PSD3: variants seen among roughly 807,000 people sequenced by gnomAD.
PSD3 encodes the protein pleckstrin and Sec7 domain containing 3, also known as PH and SEC7 domain-containing protein 3.
Under a neutral mutation model 105.5 loss-of-function variants are expected in PSD3, and 49 were observed. The ratio of observed to expected loss-of-function variants is 0.46; its 90% CI spans 0.37 to 0.59. PSD3 has a LOEUF of 0.59. Ranked by LOEUF, PSD3 falls within the 20% of genes least tolerant of loss-of-function variation. The pLI, the probability that PSD3 is intolerant of heterozygous loss-of-function variation, is 0.00. For missense variants in PSD3, 1,561 were observed against 1,263.8 expected (o/e 1.24, Z -3.57); for synonymous variants, 557 against 457.8 (o/e 1.22, Z -2.77).
Position 18,612,175 on chromosome 8 carries a change from A to G in PSD3, c.2411-11741T>C, listed in dbSNP as rs1239349137. 2.0e-5 allele frequency among the ~76,000 whole-genome samples: 3 copies of G among 152,320 alleles called. No individual in the cohort carries two copies. In the East Asian group the frequency reaches 5.8e-4, roughly 29 times the overall value. On this transcript the variant is annotated intron_variant, in intron 11 of 15. Transcript: ENST00000327040. ...ACTAAATTTCTTTGTTTCTGCCCATATATAAGCAAGACCTTAAGTTTTTAC... is the reference window on the plus strand; with the variant it reads ...ACTAAATTTCTTTGTTTCTGCCCATGTATAAGCAAGACCTTAAGTTTTTAC...
chr8:18,730,833 C>A (rs1239768279), intron 9 of PSD3, among the ~76,000 whole-genome samples: 1 of 151,830 alleles, frequency 6.6e-6, no homozygotes, highest in African/African-American at 2.4e-5. Context: ...GATGTGTGTA[C>A]TTAAAATATA....
intron 11 of PSD3, among the ~76,000 whole-genome samples, chr8:18,631,588 T>C (rs1277696136): frequency 1.3e-5 from 2 of 151,922 alleles, no homozygotes; most frequent in Non-Finnish European, 2.9e-5. Context: ...GTGTGCCCTT[T>C]TGCTAAGATG....
intron 9 of PSD3, among the ~76,000 whole-genome samples, chr8:18,694,593 G>T (rs1431074990): frequency 7.1e-6 from 1 of 141,634 alleles, no homozygotes; most frequent in Non-Finnish European, 1.5e-5. Context: ...CTGGGCAACA[G>T]AGTGAGACTG....
intron 9 of PSD3, among the ~76,000 whole-genome samples, chr8:18,762,563 A>T (rs1444910464): frequency 6.6e-6 from 1 of 152,212 alleles, no homozygotes; most frequent in Non-Finnish European, 1.5e-5. Context: ...GTCTTCTGAT[A>T]TCCAACTTAT....
chr8:18,596,083 G>T (rs1317185764), intron 12 of PSD3, among the ~76,000 whole-genome samples: 1 of 151,784 alleles, frequency 6.6e-6, no homozygotes, highest in East Asian at 1.9e-4. Flanking sequence ...AAGGGAAGTA[G>T]AAATTAAAAG....
At position 18,936,083 on chromosome 8, in the gene PSD3, G is replaced by C; in HGVS notation, c.81C>G (p.Ala27=). The change falls in exon 2 of 16, where the codon GCC becomes GCG. Residue 27 remains alanine, a synonymous_variant. Transcript: ENST00000327040. ...ASAHSQSVAK[A]KYEFLFGRSE... is the part of the protein sequence containing the mutation. ...ATCTGCCAAATAAAAATTCATATTT[G>C]GCCTTGGCAACACTCTGGGAATGTG... 1 of 1,613,220 alleles carries C rather than the reference G, an allele frequency of 6.2e-7. No homozygotes were observed.
At chr8:18,660,434 T>G (rs1199972086) in intron 9 of PSD3, among the ~76,000 whole-genome samples, 2 of 152,174 alleles carry the variant, frequency 1.3e-5, no homozygotes, top group African/African-American at 4.8e-5. Context: ...GTAATTTGTT[T>G]CAGCAGCCCG....
At chr8:18,900,320 A>G (rs930829849) in intron 2 of PSD3, among the ~76,000 whole-genome samples, 1 of 152,118 alleles carries the variant, frequency 6.6e-6, no homozygotes, top group Non-Finnish European at 1.5e-5. Flanking sequence ...TAACAGCTAC[A>G]TTTTCAATAT....
chr8:19,075,081 G>A (rs1444370365), intron 1 of PSD3, among the ~76,000 whole-genome samples: 1 of 151,890 alleles, frequency 6.6e-6, no homozygotes, highest in Non-Finnish European at 1.5e-5. Flanking sequence ...AAGTAGTTGG[G>A]ATTACAGGCA....
At chr8:18,616,065 T>C (rs971981571) in intron 11 of PSD3, among the ~76,000 whole-genome samples, 8 of 152,174 alleles carry the variant, frequency 5.3e-5, no homozygotes, top group Non-Finnish European at 1.0e-4. Context: ...GCTCCAAAAG[T>C]GACTTCAAGC....
chr8:18,653,347 AAG>A (rs1416689835), intron 10 of PSD3, among the ~76,000 whole-genome samples: 1 of 150,666 alleles, frequency 6.6e-6, no homozygotes, highest in Non-Finnish European at 1.5e-5. Context: ...GCATATGAAC[AAG>A]AGAGAAAAAG....
Position 19,020,227 on chromosome 8 carries a change from A to G in PSD3, c.324+63979T>C, listed in dbSNP as rs78222964. Reference sequence around the variant, plus strand: ...GATAAGTAAATATATGTGATGTTATATGATGCTGAGTGTCTTGGAGAAAAA... The same window carrying G: ...GATAAGTAAATATATGTGATGTTATGTGATGCTGAGTGTCTTGGAGAAAAA... On this transcript the variant is annotated intron_variant, in intron 1 of 1. Coordinates refer to the PSD3 transcript ENST00000521475. 9.2e-5 allele frequency among the ~76,000 whole-genome samples: 14 copies of G among 152,308 alleles called. No individual in the cohort carries two copies. In the East Asian group the frequency reaches 2.7e-3, roughly 30 times the overall value.
rs186990570 is a variant in PSD3 at position 19,019,819 on chromosome 8, G to A, written c.324+64387C>T. ...TCGACTGAATGCTGAGTGTATGCTGGGTGGGTGAGAGGGATGGGAGACAAG... is the reference window on the plus strand; with the variant it reads ...TCGACTGAATGCTGAGTGTATGCTGAGTGGGTGAGAGGGATGGGAGACAAG... On this transcript the variant is annotated intron_variant, in intron 1 of 1. Transcript: ENST00000521475. Among the ~76,000 whole-genome samples, 39 of 152,190 alleles carry A rather than the reference G, an allele frequency of 2.6e-4. 1 individual carries two copies. The highest frequency in any genetic ancestry group is 7.2e-4 in the Admixed American group (11 of 15,290).
intron 1 of PSD3, among the ~76,000 whole-genome samples, chr8:19,031,480 C>A (rs185016492): frequency 6.9e-6 from 1 of 143,964 alleles, no homozygotes; most frequent in Admixed American, 6.8e-5. Flanking sequence ...GAGTACTATA[C>A]GGTAAATGCA....
chr8:18,693,372 G>C (rs902573362), intron 9 of PSD3, among the ~76,000 whole-genome samples: 3 of 152,188 alleles, frequency 2.0e-5, no homozygotes, highest in African/African-American at 4.8e-5. Context: ...GAGCCAAACG[G>C]ACCTGTGTTC....
Position 18,680,604 on chromosome 8 carries a change from T to C in PSD3, c.2173-24919A>G, listed in dbSNP as rs774070895. Among the ~76,000 whole-genome samples, 6 of 152,182 alleles carry C rather than the reference T, an allele frequency of 3.9e-5. No homozygotes were observed. The South Asian group carries it at 1.2e-3, about 31-fold the overall frequency. On this transcript the variant is annotated intron_variant, in intron 9 of 15. Transcript: ENST00000327040. ...TATTCAGATTTGCATCCTGCCCATA[T>C]TATGTGCTTCAGAGGTTGATACAAA...
intron 1 of PSD3, among the ~76,000 whole-genome samples, chr8:18,954,495 A>G (rs1025336524): frequency 8.5e-5 from 13 of 152,202 alleles, no homozygotes; most frequent in Non-Finnish European, 1.6e-4. Context: ...TCTCATAAAG[A>G]TGACCAATGT....
intron 8 of PSD3, among the ~76,000 whole-genome samples, chr8:18,792,762 C>A (rs1379133533): frequency 2.6e-5 from 4 of 152,150 alleles, no homozygotes; most frequent in East Asian, 3.9e-4. Flanking sequence ...GTGGAAGACA[C>A]TGTGGAGATT....
At chr8:18,672,270 G>A (rs1799828121) in intron 9 of PSD3, among the ~76,000 whole-genome samples, 1 of 151,930 alleles carries the variant, frequency 6.6e-6, no homozygotes, top group South Asian at 2.1e-4. Context: ...TGGACATGAT[G>A]AAGTTAACGT....
Sources: gnomAD v4.1 joint callset for allele counts (sites outside exome capture counted in the v4.1 genomes callset) on GRCh38, gnomAD v4.1.1 for gene constraint, MANE v1.5 for transcripts, NCBI Gene and HGNC (gene_info 2026-07-23, HGNC 2026-07-21) for gene names.